The following COBL variants were observed in gnomAD, a reference collection of about 807,000 sequenced individuals.
COBL encodes cordon-bleu WH2 repeat protein.
In COBL, 51 loss-of-function variants were observed where a neutral mutation model predicts 98.8. The observed-to-expected ratio is 0.52, with a 90% CI of 0.41 to 0.65. The LOEUF (loss-of-function observed/expected upper bound fraction) is 0.65, where lower values mean the gene tolerates loss of function less well. Among genes scored for constraint, COBL ranks in the 30% least tolerant of loss-of-function variants. The probability of loss-of-function intolerance (pLI) is 0.00; values close to 1 mark genes in which losing one functional copy is unlikely to be tolerated. For missense variants in COBL, 1,617 were observed against 1,617.5 expected, an observed-to-expected ratio of 1.00 and a Z score of 0.01; for synonymous variants, 634 against 651.7, an observed-to-expected ratio of 0.97 and a Z score of 0.41.
intron 4 of COBL, among the ~76,000 whole-genome samples, chr7:51,187,303 T>A (rs975580456): frequency 9.3e-5 from 12 of 129,666 alleles, no homozygotes; most frequent in African/African-American, 3.7e-4. Context: ...TATATGTATA[T>A]GTTTAAGTAT....
chr7:51,157,836 T>C (rs1483563038), intron 5 of COBL, among the ~76,000 whole-genome samples: 1 of 152,202 alleles, frequency 6.6e-6, no homozygotes, highest in Non-Finnish European at 1.5e-5. Context: ...AGGTCATGGA[T>C]ATGGTAATTA....
intron 1 of COBL, among the ~76,000 whole-genome samples, chr7:51,279,092 C>T (rs1799578920): frequency 6.6e-6 from 1 of 152,232 alleles, no homozygotes; most frequent in Admixed American, 6.5e-5. Flanking sequence ...AGTGAATAAT[C>T]CTATGGCTTG....
At chr7:51,122,052 A>G (rs1797786393) in intron 6 of COBL, among the ~76,000 whole-genome samples, 1 of 152,216 alleles carries the variant, frequency 6.6e-6, no homozygotes, top group South Asian at 2.1e-4. Flanking sequence ...GTCAACGTGC[A>G]GGAGAGTGGC....
At chr7:51,181,407 T>C (rs750582753) in intron 5 of COBL, among the ~76,000 whole-genome samples, 1 of 152,194 alleles carries the variant, frequency 6.6e-6, no homozygotes, top group African/African-American at 2.4e-5. Context: ...TTTTGCCAAG[T>C]AGCTACAAAA....
chr7:51,150,813 A>T (rs936417397), intron 5 of COBL, among the ~76,000 whole-genome samples: 1 of 152,156 alleles, frequency 6.6e-6, no homozygotes, highest in Non-Finnish European at 1.5e-5. Flanking sequence ...GAGGTACTAG[A>T]TCTTGGGGAG....
intron 1 of COBL, among the ~76,000 whole-genome samples, chr7:51,300,938 TGCACTGG>T (rs1241351161): frequency 6.6e-6 from 1 of 152,282 alleles, no homozygotes; most frequent in Non-Finnish European, 1.5e-5. Context: ...GTCAGGAGTG[TGCACTGG>T]GCTGTGTGAC....
At chr7:51,236,377 G>T (rs541361556) in intron 1 of COBL, among the ~76,000 whole-genome samples, 1 of 152,268 alleles carries the variant, frequency 6.6e-6, no homozygotes, top group Admixed American at 6.5e-5. Flanking sequence ...GATGCATGAA[G>T]GCCTCACAGA....
At chr7:51,161,418 G>A (rs1486839312) in intron 5 of COBL, among the ~76,000 whole-genome samples, 5 of 152,194 alleles carry the variant, frequency 3.3e-5, no homozygotes, top group African/African-American at 1.2e-4. Flanking sequence ...GGGCTTCCCT[G>A]TAAATGCCTG....
chr7:51,028,039 T>C lies in COBL; in HGVS notation c.3057A>G (p.Thr1019=). ...ASEPRRAPDG[T]DPPPPHTSDT... ...CAGATGTGTGTGGAGGGGGTGGGTCTGTACCATCAGGTGCGCGTCTGGGCT... is the reference window on the plus strand; with the variant it reads ...CAGATGTGTGTGGAGGGGGTGGGTCCGTACCATCAGGTGCGCGTCTGGGCT... The change falls in exon 10 of 13, where the codon ACA becomes ACG. Residue 1019 remains threonine (T), a synonymous_variant. Transcript: ENST00000265136. 6.2e-7 allele frequency: 1 copy of C among 1,608,482 alleles called. No individual in the cohort carries two copies. Among genetic ancestry groups the C allele is most frequent in the Non-Finnish European group, 8.5e-7 (1 of 1,177,374 alleles).
At chr7:51,312,477 C>G (rs1803152813) in intron 1 of COBL, among the ~76,000 whole-genome samples, 1 of 152,178 alleles carries the variant, frequency 6.6e-6, no homozygotes, top group African/African-American at 2.4e-5. Flanking sequence ...TTTATGCTCA[C>G]TTTTCAAAAC....
At chr7:51,020,030 G>T (rs746562438) in intron 12 of COBL, among the ~76,000 whole-genome samples, 1 of 152,132 alleles carries the variant, frequency 6.6e-6, no homozygotes, top group African/African-American at 2.4e-5. Context: ...CGTGTGGCCC[G>T]CATCAATTAA....
intron 6 of COBL, among the ~76,000 whole-genome samples, chr7:51,123,007 C>T (rs1192657982): frequency 6.6e-6 from 1 of 151,576 alleles, no homozygotes. Context: ...AATTGAATGA[C>T]ATAATTATTT....
chr7:51,184,056 A>AT (rs764259556), intron 5 of COBL, 46 bp downstream of exon 5: 83 of 1,004,720 alleles, frequency 8.3e-5, no homozygotes, highest in Admixed American at 3.4e-4. Flanking sequence ...TCAAGAGACT[A>AT]TTTTTTTTAC....
intron 6 of COBL, among the ~76,000 whole-genome samples, chr7:51,126,778 C>T (rs1053532047): frequency 2.0e-5 from 3 of 152,138 alleles, no homozygotes; most frequent in Admixed American, 6.5e-5. Context: ...CCTAATGCTG[C>T]CCTATTTGCT....
rs560315168 is a variant in COBL at position 51,086,949 on chromosome 7, G to A, written c.958-1645C>T. On this transcript the variant is annotated intron_variant, in intron 6 of 12. Coordinates refer to ENST00000265136, the MANE Select transcript of COBL (RefSeq NM_015198.5). ...GATGAGTCAAAACCAGCAATTTATT[G>A]TCCACCACCCCCTCTCCAGCAGTAA... 4.0e-5 allele frequency among the ~76,000 whole-genome samples: 6 copies of A among 151,532 alleles called. No homozygotes were observed. In the East Asian group the frequency reaches 1.2e-3, roughly 29 times the overall value.
chr7:51,117,217 A>G (rs1477859273), intron 6 of COBL, among the ~76,000 whole-genome samples: 1 of 151,748 alleles, frequency 6.6e-6, no homozygotes, highest in African/African-American at 2.4e-5. Flanking sequence ...TTTGATTTGG[A>G]TTCACCAAAC....
At chr7:51,047,456 C>T (rs946569498) in intron 7 of COBL, among the ~76,000 whole-genome samples, 3 of 152,124 alleles carry the variant, frequency 2.0e-5, no homozygotes, top group South Asian at 2.1e-4. Flanking sequence ...ATTCTCAGTT[C>T]GGTACTAGTT....
chr7:51,178,408 G>C (rs1446115328), intron 5 of COBL, among the ~76,000 whole-genome samples: 1 of 152,024 alleles, frequency 6.6e-6, no homozygotes, highest in Non-Finnish European at 1.5e-5. Flanking sequence ...AGGTTGGATG[G>C]ATTTGTTTAT....
chr7:51,142,383 A>ATTTT (rs10608547), intron 5 of COBL, among the ~76,000 whole-genome samples: 7 of 71,378 alleles, frequency 9.8e-5, no homozygotes, highest in East Asian at 3.1e-4. Flanking sequence ...CTGGTATTTG[A>ATTTT]TTTTTTTTTT....
Sources: gnomAD v4.1 joint callset for allele counts (sites outside exome capture counted in the v4.1 genomes callset) on GRCh38, gnomAD v4.1.1 for gene constraint, MANE v1.5 for transcripts, NCBI Gene and HGNC (gene_info 2026-07-23, HGNC 2026-07-21) for gene names.